Variants in IFFO2 observed in about 807,000 individuals in gnomAD.
The protein encoded by IFFO2 is intermediate filament family orphan 2.
IFFO2 carries 19 observed loss-of-function variants against 53.5 expected under a neutral mutation model. The observed-to-expected ratio is 0.36, with a 90% CI of 0.25 to 0.52. The LOEUF is 0.52. Ranked by LOEUF, IFFO2 falls within the 20% of genes least tolerant of loss-of-function variation. The probability of loss-of-function intolerance (pLI) is 0.94; values close to 1 mark genes in which losing one functional copy is unlikely to be tolerated. For missense variants in IFFO2, 570 were observed against 727.4 expected, an observed-to-expected ratio of 0.78 and a Z score of 2.49; for synonymous variants, 303 against 313.6, an observed-to-expected ratio of 0.97 and a Z score of 0.36.
In IFFO2 at chr1:18,918,463, T is replaced by C. The variant is rs1936168363; in HGVS notation, c.862A>G (p.Met288Val). The C allele has an allele frequency of 1.9e-6, 3 of 1,560,700 alleles. No homozygotes were observed. The highest frequency in any genetic ancestry group is 1.7e-4 in the Middle Eastern group (1 of 6,026). ...CGGCAGATGTCCATGTCCACCTTCA[T>C]GGCCTTTTCTTGGATCTTTGTGTCC... is the stretch of plus-strand genomic sequence containing the variant. ...DLDTKIQEKA[M>V]KVDMDICRRI... Residue 288 changes from methionine to valine, a missense_variant, in exon 4 of 9, where the codon ATG becomes GTG. Transcript: ENST00000455833. This position sits in a 1 kb window ranked among gnomAD's most constrained non-coding sequence, Gnocchi z 5.2.
rs193008899 is a variant in IFFO2 at position 18,947,441 on chromosome 1, T to C, written c.665+8227A>G. Among the ~76,000 whole-genome samples the C allele has an allele frequency of 7.7e-4, 117 of 152,324 alleles. No individual in the cohort carries two copies. Among genetic ancestry groups the C allele is most frequent in the Non-Finnish European group, 1.4e-3 (98 of 68,008 alleles). On this transcript the variant is annotated intron_variant, in intron 1 of 8. Coordinates refer to ENST00000455833, the MANE Select transcript of IFFO2 (RefSeq NM_001136265.2). This position sits in a 1 kb window ranked among gnomAD's most constrained non-coding sequence, Gnocchi z 5.0. ...GGCAACATTTCACAGAAATGAAAACTGAGGCTCACAGCAGGAAAGCGGCTT... is the reference window on the plus strand; with the variant it reads ...GGCAACATTTCACAGAAATGAAAACCGAGGCTCACAGCAGGAAAGCGGCTT...
rs1936167320 is a variant in IFFO2 at position 18,918,408 on chromosome 1, T to G, written c.917A>C (p.Asp306Ala). The G allele has an allele frequency of 6.4e-7, 1 of 1,555,658 alleles. No individual in the cohort carries two copies. Among genetic ancestry groups the G allele is most frequent in the Admixed American group, 1.9e-5 (1 of 51,472 alleles). ...TTCTGAGTTCCGCTGCTGTGCGACA[T>G]CGCACAGCTTGGCCGTGATATCGAT... is the stretch of plus-strand genomic sequence containing the variant. ...RRIDITAKLC[D>A]VAQQRNSEDV... The change falls in exon 4 of 9, where the codon GAT becomes GCT. Residue 306 changes from aspartate to alanine, a missense_variant. Coordinates refer to ENST00000455833, the MANE Select transcript of IFFO2 (RefSeq NM_001136265.2). This position sits in a 1 kb window ranked among gnomAD's most constrained non-coding sequence, Gnocchi z 5.2.
Position 18,955,951 on chromosome 1 carries a change from C to T in IFFO2, c.382G>A (p.Gly128Ser), listed in dbSNP as rs1936720173. The T allele has an allele frequency of 1.1e-5, 14 of 1,270,366 alleles. No individual in the cohort carries two copies. The East Asian group carries it at 4.6e-4, about 42-fold the overall frequency. 78.7% of individuals were successfully genotyped at this position (1,270,366 alleles called of 1,614,324 possible). Residue 128 changes from glycine (G) to serine (S), a missense_variant, in exon 1 of 9, where the codon GGC (glycine) becomes AGC (serine). Gly to Ser is a moderately conservative substitution (Grantham distance 56). Coordinates refer to ENST00000455833, the MANE Select transcript of IFFO2 (RefSeq NM_001136265.2). ...TTGGCGTTGGCGCCGGCCGCCGCGC[C>T]ACTGCTGAGGCCGTGCCCGCCGCCG... ...APGGGHGLSS[G>S]AAAGANANAV...
chr1:18,956,370 TC>T lies in IFFO2; in HGVS notation c.-39del. On this transcript the variant is annotated 5_prime_UTR_variant, in exon 1 of 9. Coordinates refer to ENST00000455833, the MANE Select transcript of IFFO2 (RefSeq NM_001136265.2). The surrounding 1 kb of genome is among the most constrained non-coding windows in gnomAD (Gnocchi z 6.4). ...CGGCTCAGGGCCCCGGGCCCGCGGC[TC>T]CAGGTGCGGCTCCAGCTCCGGGCAG... 1 of 212,852 alleles carries T rather than the reference TC, an allele frequency of 4.7e-6. No homozygotes were observed. 13.2% of individuals were successfully genotyped at this position (212,852 alleles called of 1,614,324 possible).
intron 1 of IFFO2, among the ~76,000 whole-genome samples, chr1:18,944,782 T>C (rs1266929843): frequency 6.6e-6 from 1 of 151,944 alleles, no homozygotes; most frequent in African/African-American, 2.4e-5. Context: ...GGCTGAGGGA[T>C]GGGGGACAGG....
Position 18,908,530 on chromosome 1 carries a change from C to T in IFFO2, c.*31G>A, listed in dbSNP as rs1216498685. ...AGGAGAGGTGGCAGGGCCCCATCACCAAGACCACCAGGCTCGCAGGGCCTC... is the reference window on the plus strand; with the variant it reads ...AGGAGAGGTGGCAGGGCCCCATCACTAAGACCACCAGGCTCGCAGGGCCTC... On this transcript the variant is annotated 3_prime_UTR_variant, in exon 9 of 9. Coordinates refer to ENST00000455833, the MANE Select transcript of IFFO2 (RefSeq NM_001136265.2). 4.6e-6 allele frequency: 7 copies of T among 1,510,800 alleles called. No individual in the cohort carries two copies. In the East Asian group the frequency reaches 1.7e-4, roughly 37 times the overall value. The allele number at this position is 1,510,800 out of a possible 1,614,324, so 93.6% of individuals were successfully genotyped here.
At chr1:18,933,163 G>A (rs1936401262) in intron 1 of IFFO2, among the ~76,000 whole-genome samples, 1 of 152,220 alleles carries the variant, frequency 6.6e-6, no homozygotes, top group African/African-American at 2.4e-5. Context: ...CGCTGGGGCA[G>A]GACCTCTGGC....
At chr1:18,925,052 C>T (rs1279512115) in intron 1 of IFFO2, among the ~76,000 whole-genome samples, 3 of 152,138 alleles carry the variant, frequency 2.0e-5, no homozygotes, top group Admixed American at 2.0e-4. Flanking sequence ...GACCCAACAG[C>T]TCATAAAACT....
Position 18,910,420 on chromosome 1 carries a change from A to C in IFFO2, c.1370T>G (p.Met457Arg), listed in dbSNP as rs1336171007. ...SDMNRHLHEY[M>R]EMCSMKRGLD... ...GCCTCGCTTCATGCTGCACATCTCC[A>C]TGTACTCGTGCAGGTGTCGGTTCAT... Residue 457 changes from methionine to arginine, a missense_variant, in exon 8 of 9, where the codon ATG becomes AGG. Physicochemically the swap from Met to Arg is moderately conservative, Grantham distance 91 (BLOSUM62 -1). Coordinates refer to ENST00000455833, the MANE Select transcript of IFFO2 (RefSeq NM_001136265.2). 2.5e-6 allele frequency: 4 copies of C among 1,613,926 alleles called. No homozygotes were observed. The Admixed American group carries it at 6.7e-5, about 27-fold the overall frequency.
rs1391061194 is a variant in IFFO2, at chr1:18,919,744, C to T, written c.756G>A (p.Glu252=). The T allele has an allele frequency of 3.2e-6, 5 of 1,551,654 alleles. No homozygotes were observed. The highest frequency in any genetic ancestry group is 1.4e-5 in the African/African-American group (1 of 73,152). Residue 252 remains glutamate, a synonymous_variant, in exon 3 of 9, where the codon GAG becomes GAA. Transcript: ENST00000455833. This position sits in a 1 kb window ranked among gnomAD's most constrained non-coding sequence, Gnocchi z 4.9. ...GCCGCTCGATCTTCTCATTCATCTC[C>T]TCCTGGATGGCATCAGCCTCCTGTG... ...EAAQEADAIQ[E]EMNEKIERLK...
At chr1:18,933,938 C>T (rs1476325879) in intron 1 of IFFO2, among the ~76,000 whole-genome samples, 4 of 151,878 alleles carry the variant, frequency 2.6e-5, no homozygotes, top group African/African-American at 9.7e-5. Flanking sequence ...CCCCTCTCCC[C>T]GCAGCCCCTG....
chr1:18,934,674 A>C (rs1034935919), intron 1 of IFFO2, among the ~76,000 whole-genome samples: 2 of 152,234 alleles, frequency 1.3e-5, no homozygotes, highest in African/African-American at 4.8e-5. Flanking sequence ...TACGGTTAAC[A>C]TCGGCTCTAT....
intron 1 of IFFO2, among the ~76,000 whole-genome samples, chr1:18,925,824 A>ATTGGT (rs1491587911): frequency 2.5e-4 from 19 of 74,782 alleles, no homozygotes; most frequent in African/African-American, 8.9e-4. Flanking sequence ...GGATGGATGG[A>ATTGGT]TGGATGGATG....
rs763057816 is a variant in IFFO2 at position 18,919,678 on chromosome 1, G to A, written c.822C>T (p.Asp274=). The A allele has an allele frequency of 7.8e-5, 121 of 1,550,090 alleles. No individual in the cohort carries two copies. Among genetic ancestry groups the A allele is most frequent in the East Asian group, 1.5e-4 (6 of 40,902 alleles). ...ELVVFKGLMS[D]PMTDLDTKIQ... Reference sequence around the variant, plus strand: ...CCCAGGGGCGGCGGGCGGCACTTACGTCACTCATAAGCCCCTTAAACACCA... The same window carrying A: ...CCCAGGGGCGGCGGGCGGCACTTACATCACTCATAAGCCCCTTAAACACCA... Residue 274 remains aspartate (D), a splice_region_variant and synonymous_variant, in exon 3 of 9, where the codon GAC becomes GAT. Coordinates refer to ENST00000455833, the MANE Select transcript of IFFO2 (RefSeq NM_001136265.2). This position sits in a 1 kb window ranked among gnomAD's most constrained non-coding sequence, Gnocchi z 4.9.
chr1:18,946,837 A>G (rs1440734286), intron 1 of IFFO2, among the ~76,000 whole-genome samples: 1 of 152,236 alleles, frequency 6.6e-6, no homozygotes, highest in Non-Finnish European at 1.5e-5. Context: ...TACAGCTTCC[A>G]TGAATTAAAT....
At chr1:18,944,556 G>GC (rs1262440845) in intron 1 of IFFO2, among the ~76,000 whole-genome samples, 1 of 152,058 alleles carries the variant, frequency 6.6e-6, no homozygotes, top group Non-Finnish European at 1.5e-5. Context: ...AGCCTCCCTT[G>GC]CCCCCCACCA....
chr1:18,938,632 C>A (rs1399895568), intron 1 of IFFO2, among the ~76,000 whole-genome samples: 1 of 152,176 alleles, frequency 6.6e-6, no homozygotes, highest in Non-Finnish European at 1.5e-5. Flanking sequence ...TGGCCTTGAG[C>A]CCATCCCTGC....
At position 18,919,071 on chromosome 1, in the gene IFFO2, G is replaced by A. The variant is rs575276577; in HGVS notation, c.823-569C>T. Among the ~76,000 whole-genome samples, 381 of 152,256 alleles carry A rather than the reference G, an allele frequency of 2.5e-3. 1 individual carries two copies. Among genetic ancestry groups the A allele is most frequent in the African/African-American group, 8.9e-3 (371 of 41,544 alleles). ...TGCCAGGCTCAGTCACCCACGTTCT[G>A]GCCCCTTCTGCCTTCTGGTGGGGTC... On this transcript the variant is annotated intron_variant, in intron 3 of 8. Coordinates refer to ENST00000455833, the MANE Select transcript of IFFO2 (RefSeq NM_001136265.2). The surrounding 1 kb of genome is among the most constrained non-coding windows in gnomAD (Gnocchi z 4.9).
In IFFO2 at chr1:18,908,593, G is replaced by C; in HGVS notation, c.1522C>G (p.Arg508Gly). The C allele has an allele frequency of 6.4e-7, 1 of 1,551,646 alleles. No homozygotes were observed. Among genetic ancestry groups the C allele is most frequent in the Non-Finnish European group, 8.7e-7 (1 of 1,146,908 alleles). ...ACCATGGGCTCCACATCCGCCTCGC[G>C]CTCGAACTCATCCTGGATCTCATCT... Reference protein sequence around the residue: ...STDEIQDEFEREADVEPMVS With the variant: ...STDEIQDEFEGEADVEPMVS Residue 508 changes from arginine to glycine, a missense_variant, in exon 9 of 9, where the codon CGC becomes GGC. Arg to Gly is a moderately radical substitution (Grantham distance 125). Transcript: ENST00000455833.
Sources: gnomAD v4.1 joint callset for allele counts (sites outside exome capture counted in the v4.1 genomes callset) on GRCh38, gnomAD v4.1.1 for gene constraint, Gnocchi (gnomAD v3.1) non-coding constraint, MANE v1.5 for transcripts, NCBI Gene and HGNC (gene_info 2026-07-23, HGNC 2026-07-21) for gene names.